Variants in NDST3 observed in about 807,000 individuals in gnomAD.
The protein encoded by NDST3 is bifunctional heparan sulfate N-deacetylase/N-sulfotransferase 3.
In NDST3, 58 loss-of-function variants were observed where a neutral mutation model predicts 96.1. The observed-to-expected ratio is 0.60, with a 90% CI of 0.49 to 0.75. NDST3 has a LOEUF of 0.75. Among genes scored for constraint, NDST3 ranks in the 30% least tolerant of loss-of-function variants. The probability of loss-of-function intolerance (pLI) is 0.00; values close to 1 mark genes in which losing one functional copy is unlikely to be tolerated. For synonymous variants in NDST3, 333 were observed against 359.7 expected, an observed-to-expected ratio of 0.93 and a Z score of 0.84; for missense variants, 788 against 1,034.2, an observed-to-expected ratio of 0.76 and a Z score of 3.27.
intron 2 of NDST3, among the ~76,000 whole-genome samples, chr4:118,087,989 C>T (rs370083647): frequency 2.7e-4 from 41 of 152,086 alleles, no homozygotes; most frequent in African/African-American, 8.9e-4. Context: ...AGAGTTATAA[C>T]GTTGTATCAT....
intron 2 of NDST3, among the ~76,000 whole-genome samples, chr4:118,102,219 G>A (rs972138772): frequency 2.0e-5 from 3 of 151,926 alleles, no homozygotes; most frequent in Non-Finnish European, 4.4e-5. Context: ...ATATAGTACA[G>A]TATTTTGGAA....
intron 6 of NDST3, among the ~76,000 whole-genome samples, chr4:118,203,679 A>G (rs1322533024): frequency 6.6e-6 from 1 of 152,170 alleles, no homozygotes; most frequent in Non-Finnish European, 1.5e-5. Flanking sequence ...ATTTTAAATT[A>G]CCTTTAGTAA....
intron 6 of NDST3, among the ~76,000 whole-genome samples, chr4:118,145,236 T>C (rs1337844728): frequency 6.6e-6 from 1 of 152,212 alleles, no homozygotes; most frequent in Non-Finnish European, 1.5e-5. Context: ...CAATGCCTGG[T>C]TATGAACTGA....
intron 2 of NDST3, among the ~76,000 whole-genome samples, chr4:118,100,771 C>A (rs1729697259): frequency 6.6e-6 from 1 of 152,124 alleles, no homozygotes; most frequent in East Asian, 1.9e-4. Flanking sequence ...GCTTTGTGAC[C>A]AAGGGAAAGC....
intron 2 of NDST3, among the ~76,000 whole-genome samples, chr4:118,076,198 A>G (rs1727514769): frequency 6.6e-6 from 1 of 152,096 alleles, no homozygotes; most frequent in South Asian, 2.1e-4. Context: ...TTTGTGGGTG[A>G]CCTGCTCCTT....
At chr4:118,228,397 G>A (rs974356899) in intron 8 of NDST3, among the ~76,000 whole-genome samples, 4 of 152,110 alleles carry the variant, frequency 2.6e-5, no homozygotes, top group South Asian at 2.1e-4. Context: ...TGCAGGATTC[G>A]CTTCCTCTCG....
intron 6 of NDST3, among the ~76,000 whole-genome samples, chr4:118,151,947 G>T (rs1734427774): frequency 6.6e-6 from 1 of 152,108 alleles, no homozygotes; most frequent in Non-Finnish European, 1.5e-5. Flanking sequence ...CATCATAATT[G>T]TGGGTTGTAT....
intron 6 of NDST3, among the ~76,000 whole-genome samples, chr4:118,154,606 A>C (rs1302176552): frequency 6.6e-6 from 1 of 152,184 alleles, no homozygotes; most frequent in Non-Finnish European, 1.5e-5. Context: ...GTGATGATGA[A>C]ATTTACCTGA....
chr4:118,186,198 C>A (rs1349214699), intron 6 of NDST3, among the ~76,000 whole-genome samples: 5 of 152,102 alleles, frequency 3.3e-5, no homozygotes, highest in Non-Finnish European at 7.4e-5. Context: ...ATGAGTGACT[C>A]CATTTTAGTT....
chr4:118,115,873 C>G (rs2125866514), intron 4 of NDST3, among the ~76,000 whole-genome samples: 1 of 152,194 alleles, frequency 6.6e-6, no homozygotes, highest in South Asian at 2.1e-4. Context: ...TTTATGGTGG[C>G]ATCAGGGGCC....
chr4:118,109,625 C>T (rs968288088), intron 3 of NDST3, among the ~76,000 whole-genome samples: 22 of 152,084 alleles, frequency 1.4e-4, no homozygotes, highest in African/African-American at 5.1e-4. Context: ...AGAGTTTCCA[C>T]AAAACTTAGC....
chr4:118,193,765 A>G (rs1737475207), intron 6 of NDST3: 3 of 1,482,948 alleles, frequency 2.0e-6, no homozygotes, highest in Non-Finnish European at 2.8e-6. Flanking sequence ...TACAGCTTTC[A>G]GTGGCAGCAG....
chr4:118,187,772 A>G (rs1256066101), intron 6 of NDST3, among the ~76,000 whole-genome samples: 6 of 152,172 alleles, frequency 3.9e-5, no homozygotes, highest in Admixed American at 3.3e-4. Context: ...TCTTGGGGAG[A>G]AACCTCCCTG....
chr4:118,087,799 C>T (rs1418537547), intron 2 of NDST3, among the ~76,000 whole-genome samples: 1 of 152,074 alleles, frequency 6.6e-6, no homozygotes, highest in Admixed American at 6.6e-5. Context: ...ACTTATGACA[C>T]TTCTCCCAAG....
rs781481371 is a variant in NDST3, at chr4:118,053,968, A to G, written c.58A>G (p.Thr20Ala). ...TCAAAGAACAGTCATTCTGCTTGCC[A>G]CTTTTTGTATGGTGAGCATTATCAT... ...HFQRTVILLA[T>A]FCMVSIIISA... The change falls in exon 2 of 14, where the codon ACT (threonine) becomes GCT (alanine). Residue 20 changes from threonine (T) to alanine (A), a missense_variant. Physicochemically the swap from Thr to Ala is moderately conservative, Grantham distance 58. Around this residue, in one of 3 missense-constraint regions of NDST3, gnomAD observed 234 missense variants for 256.9 expected, o/e 0.91. Transcript: ENST00000296499. 1.2e-6 allele frequency: 2 copies of G among 1,611,848 alleles called. No individual in the cohort carries two copies. Among genetic ancestry groups the G allele is most frequent in the East Asian group, 2.2e-5 (1 of 44,824 alleles).
chr4:118,233,874 T>A (rs1425178950), intron 9 of NDST3, among the ~76,000 whole-genome samples: 1 of 152,180 alleles, frequency 6.6e-6, no homozygotes, highest in Non-Finnish European at 1.5e-5. Flanking sequence ...TTGCATGTAT[T>A]TTAGCATAGT....
At chr4:118,049,090 T>G (rs1340507372) in intron 1 of NDST3, among the ~76,000 whole-genome samples, 1 of 152,080 alleles carries the variant, frequency 6.6e-6, no homozygotes, top group Non-Finnish European at 1.5e-5. Context: ...TACACAATTA[T>G]ATGGAAATTA....
chr4:118,104,372 G>A (rs953061461), intron 2 of NDST3, among the ~76,000 whole-genome samples: 1 of 152,024 alleles, frequency 6.6e-6, no homozygotes, highest in Non-Finnish European at 1.5e-5. Flanking sequence ...AAAGAAAAAA[G>A]AAGAAAGAAA....
chr4:118,209,430 A>C (rs1738646672), intron 6 of NDST3, among the ~76,000 whole-genome samples: 1 of 152,190 alleles, frequency 6.6e-6, no homozygotes, highest in Non-Finnish European at 1.5e-5. Flanking sequence ...CACAATTCAA[A>C]ATTAATCGAA....
Sources: gnomAD v4.1 joint callset for allele counts (sites outside exome capture counted in the v4.1 genomes callset) on GRCh38, gnomAD v4.1.1 for gene constraint, gnomAD v4.1.1 regional missense constraint, MANE v1.5 for transcripts, NCBI Gene and HGNC (gene_info 2026-07-23, HGNC 2026-07-21) for gene names.